Variants in BRD7 observed in about 807,000 individuals in gnomAD.
The protein encoded by BRD7 is bromodomain-containing protein 7.
In BRD7, 15 loss-of-function variants were observed where a neutral mutation model predicts 82.1. The observed-to-expected ratio is 0.18, with a 90% CI of 0.12 to 0.28. BRD7 has a LOEUF of 0.28. Among genes scored for constraint, BRD7 ranks in the 10% least tolerant of loss-of-function variants. The pLI, the probability that BRD7 is intolerant of heterozygous loss-of-function variation, is 1.00. For missense variants in BRD7, 638 were observed against 779.9 expected, an observed-to-expected ratio of 0.82 and a Z score of 2.17; for synonymous variants, 232 against 266.9, an observed-to-expected ratio of 0.87 and a Z score of 1.27.
In BRD7 at chr16:50,316,071, CTG is replaced by C. The variant is rs1487441851; in HGVS notation, c.*3138_*3139del. On this transcript the variant is annotated 3_prime_UTR_variant, in exon 17 of 17. Transcript: ENST00000394688. ...AGAGAGAAAAACACCACAATTAACA[CTG>C]TTACTTTTTGCCTTGTCTGGCATGT... The C allele has an allele frequency of 1.3e-5, 2 of 152,848 alleles. No individual in the cohort carries two copies. Among genetic ancestry groups the C allele is most frequent in the African/African-American group, 4.8e-5 (2 of 41,452 alleles). 9.5% of individuals were successfully genotyped at this position (152,848 alleles called of 1,614,324 possible).
intron 2 of BRD7, among the ~76,000 whole-genome samples, chr16:50,357,177 A>G: frequency 6.6e-6 from 1 of 152,234 alleles, no homozygotes; most frequent in East Asian, 1.9e-4. Flanking sequence ...ACTGATCTGC[A>G]GGTATGGGGT....
rs536829844 is a variant in BRD7 at position 50,354,903 on chromosome 16, T to C, written c.278A>G (p.Asp93Gly). Reference sequence around the variant, plus strand: ...TGCCTCATTCTCCACCCGGTCTCGATCTCGCTTCTTTTTATCCTCCTAAAT... The same window carrying C: ...TGCCTCATTCTCCACCCGGTCTCGACCTCGCTTCTTTTTATCCTCCTAAAT... ...RRVKEDKKKRDRDRVENEAEK... is the reference protein window; with the variant it reads ...RRVKEDKKKRGRDRVENEAEK... Residue 93 changes from aspartate (D) to glycine (G), a missense_variant, in exon 3 of 17, where the codon GAT (aspartate) becomes GGT (glycine). This residue lies in a region of BRD7 where 172 missense variants were observed against 155.3 expected (regional missense o/e 1.11). Coordinates refer to ENST00000394688, the MANE Select transcript of BRD7 (RefSeq NM_013263.5). The C allele has an allele frequency of 1.2e-6, 2 of 1,614,076 alleles. No individual in the cohort carries two copies. Among genetic ancestry groups the C allele is most frequent in the South Asian group, 2.2e-5 (2 of 91,084 alleles).
intron 6 of BRD7, among the ~76,000 whole-genome samples, chr16:50,337,666 C>CAA (rs1336193343): frequency 6.6e-6 from 1 of 152,062 alleles, no homozygotes; most frequent in Non-Finnish European, 1.5e-5. Flanking sequence ...AATGAACATT[C>CAA]AAAAACAGTT....
At chr16:50,356,249 C>G (rs1304252013) in intron 2 of BRD7, among the ~76,000 whole-genome samples, 1 of 152,202 alleles carries the variant, frequency 6.6e-6, no homozygotes, top group African/African-American at 2.4e-5. Flanking sequence ...TCTAGCAAAG[C>G]TAGCAAAGCC....
At chr16:50,354,956 T>A (rs2038676458) in intron 2 of BRD7, 34 bp from the exon 3 acceptor site, 1 of 1,603,152 alleles carries the variant, frequency 6.2e-7, no homozygotes, top group East Asian at 2.2e-5. Flanking sequence ...TTTAGAAATA[T>A]TTCAGAACCA....
At chr16:50,325,354 G>A (rs1451669141) in intron 11 of BRD7, among the ~76,000 whole-genome samples, 1 of 152,140 alleles carries the variant, frequency 6.6e-6, no homozygotes, top group Non-Finnish European at 1.5e-5. Flanking sequence ...ATCCTATCCT[G>A]CCTCCTTTCT....
At position 50,366,305 on chromosome 16, in the gene BRD7, T is replaced by C. The variant is rs529900614; in HGVS notation, c.258+1785A>G. Among the ~76,000 whole-genome samples, 12 of 152,004 alleles carry C rather than the reference T, an allele frequency of 7.9e-5. 1 individual carries two copies. Among genetic ancestry groups the C allele is most frequent in the Non-Finnish European group, 1.6e-4 (11 of 67,988 alleles). ...GAAGGCATGAGATCCAGGAAGCAGGTGAAGGAGAGTCCCAGGAGGCCTTGA... is the reference window on the plus strand; with the variant it reads ...GAAGGCATGAGATCCAGGAAGCAGGCGAAGGAGAGTCCCAGGAGGCCTTGA... On this transcript the variant is annotated intron_variant, in intron 2 of 16. Transcript: ENST00000394688.
intron 6 of BRD7, 106 bp from the exon 7 acceptor site, chr16:50,335,001 A>G: frequency 9.1e-7 from 1 of 1,098,944 alleles, no homozygotes; most frequent in Non-Finnish European, 1.3e-6. Context: ...TTAACCAGGG[A>G]AGAAAAACAA....
chr16:50,339,036 C>T (rs371586680), intron 6 of BRD7, among the ~76,000 whole-genome samples: 13 of 152,366 alleles, frequency 8.5e-5, no homozygotes, highest in South Asian at 2.1e-4. Context: ...TATCAACTGT[C>T]GTCCTGGGGA....
In BRD7 at chr16:50,368,941, A is replaced by G. The variant is rs1180615801; in HGVS notation, c.-167T>C. ...GCGGCGCGATGCCCCTCTCGAGAAG[A>G]CGGCGCGCGAGACCCGGCCGGAGCC... On this transcript the variant is annotated 5_prime_UTR_variant, in exon 1 of 17. Coordinates refer to ENST00000394688, the MANE Select transcript of BRD7 (RefSeq NM_013263.5). The G allele has an allele frequency of 5.2e-6, 1 of 193,376 alleles. No individual in the cohort carries two copies. The highest frequency in any genetic ancestry group is 9.1e-6 in the Non-Finnish European group (1 of 109,966). 12.0% of individuals were successfully genotyped at this position (193,376 alleles called of 1,614,324 possible). A position where few individuals can be genotyped will look rare whatever the true frequency, so the allele number is the denominator to read the frequency against.
intron 2 of BRD7, among the ~76,000 whole-genome samples, chr16:50,359,140 T>A (rs1203764903): frequency 1.3e-5 from 2 of 152,270 alleles, no homozygotes; most frequent in Non-Finnish European, 2.9e-5. Flanking sequence ...GTAAATTCTG[T>A]TAATTACACA....
chr16:50,322,533 A>G (rs1205018851), intron 12 of BRD7, among the ~76,000 whole-genome samples: 13 of 152,194 alleles, frequency 8.5e-5, no homozygotes, highest in Non-Finnish European at 2.9e-5. Context: ...ACATCAATCA[A>G]TGATGTCATC....
At chr16:50,338,899 T>C (rs192420488) in intron 6 of BRD7, among the ~76,000 whole-genome samples, 9 of 152,300 alleles carry the variant, frequency 5.9e-5, no homozygotes, top group Non-Finnish European at 1.0e-4. Context: ...TTCCCTAAAG[T>C]AGTCTCTTAC....
chr16:50,347,020 T>C (rs1437278664), intron 5 of BRD7, among the ~76,000 whole-genome samples: 1 of 152,224 alleles, frequency 6.6e-6, no homozygotes, highest in East Asian at 1.9e-4. Flanking sequence ...AATAAAATAC[T>C]GGCAAACCAA....
At chr16:50,332,105 GCAAAAGTGACAAAAA>G (rs1352770911) in intron 8 of BRD7, among the ~76,000 whole-genome samples, 1 of 152,094 alleles carries the variant, frequency 6.6e-6, no homozygotes, top group Non-Finnish European at 1.5e-5. Flanking sequence ...GTTCTCAAAA[GCAAAAGTGACAAAAA>G]CAAAAATTCA....
intron 2 of BRD7, among the ~76,000 whole-genome samples, chr16:50,362,129 G>T (rs1315003907): frequency 6.6e-6 from 1 of 152,134 alleles, no homozygotes; most frequent in East Asian, 1.9e-4. Context: ...ACTGTATTTT[G>T]ATTTCTAAAG....
At chr16:50,356,276 A>G (rs2038727943) in intron 2 of BRD7, among the ~76,000 whole-genome samples, 2 of 152,334 alleles carry the variant, frequency 1.3e-5, no homozygotes, top group South Asian at 4.1e-4. Context: ...CTACTTCTCA[A>G]CTGCTACTCT....
chr16:50,366,813 TA>T (rs567287523), intron 2 of BRD7, among the ~76,000 whole-genome samples: 1 of 151,818 alleles, frequency 6.6e-6, no homozygotes, highest in Admixed American at 6.6e-5. Context: ...TACTATTAAT[TA>T]AAAAAAACAA....
intron 6 of BRD7, among the ~76,000 whole-genome samples, chr16:50,337,256 C>CTTTTTT (rs71138063): frequency 3.1e-4 from 29 of 93,230 alleles, no homozygotes; most frequent in Admixed American, 5.2e-4. Context: ...GTTCATTCTT[C>CTTTTTT]TTTTTTTTTT....
Sources: allele counts gnomAD v4.1 joint callset (sites outside exome capture counted in the v4.1 genomes callset), GRCh38; gene constraint gnomAD v4.1.1; regional missense constraint gnomAD v4.1.1; transcripts MANE v1.5; gene names NCBI Gene and HGNC (gene_info 2026-07-23, HGNC 2026-07-21).